MEI4: variants seen among roughly 807,000 people sequenced by gnomAD.
The protein encoded by MEI4 is meiosis-specific protein MEI4.
Under a neutral mutation model 31.4 loss-of-function variants are expected in MEI4, and 27 were observed. That is an observed-to-expected ratio of 0.86 (90% CI 0.63 to 1.19). The LOEUF is 1.19. Ranked by LOEUF, MEI4 falls within the 50% of genes most tolerant of loss-of-function variation. The probability of loss-of-function intolerance (pLI) is 0.00; values close to 1 mark genes in which losing one functional copy is unlikely to be tolerated. For missense variants in MEI4, 329 were observed against 398.9 expected (o/e 0.82, Z 1.49); for synonymous variants, 122 against 145.4 (o/e 0.84, Z 1.16).
intron 2 of MEI4, among the ~76,000 whole-genome samples, chr6:77,760,040 CTTTG>C (rs757399855): frequency 2.0e-5 from 3 of 152,130 alleles, no homozygotes; most frequent in South Asian, 4.1e-4. Flanking sequence ...ACAACCACAA[CTTTG>C]TTTGTGTTTA....
chr6:77,714,132 T>G (rs1353155360), intron 2 of MEI4, among the ~76,000 whole-genome samples: 1 of 152,150 alleles, frequency 6.6e-6, no homozygotes, highest in Non-Finnish European at 1.5e-5. Flanking sequence ...ATCTAGTTTA[T>G]AATTGAGGGG....
chr6:77,664,928 A>G (rs981873226), intron 1 of MEI4, among the ~76,000 whole-genome samples: 1 of 152,104 alleles, frequency 6.6e-6, no homozygotes, highest in African/African-American at 2.4e-5. Context: ...TTTAGGTTTT[A>G]GGTCAGGTGT....
intron 1 of MEI4, among the ~76,000 whole-genome samples, chr6:77,674,780 C>G (rs1175475549): frequency 2.6e-5 from 4 of 152,108 alleles, no homozygotes; most frequent in Admixed American, 2.6e-4. Flanking sequence ...GAACAAATTT[C>G]TCCTTTTTCT....
chr6:77,827,966 A>C (rs1401547165), intron 3 of MEI4, among the ~76,000 whole-genome samples: 1 of 152,016 alleles, frequency 6.6e-6, no homozygotes, highest in African/African-American at 2.4e-5. Context: ...GATTATATTA[A>C]CTCTAGAAAA....
rs553982821 is a variant in MEI4 at position 77,823,238 on chromosome 6, T to A, written c.769-5693T>A. Among the ~76,000 whole-genome samples, 3 of 152,252 alleles carry A rather than the reference T, an allele frequency of 2.0e-5. No homozygotes were observed. The East Asian group carries it at 5.8e-4, about 29-fold the overall frequency. On this transcript the variant is annotated intron_variant, in intron 3 of 4. Coordinates refer to ENST00000684080, the MANE Select transcript of MEI4 (RefSeq NM_001322247.2). ...ATGTATTTTTATAGTATATATATAT[T>A]TTCTATGTGAGTGAGAGCCTTTGAA...
chr6:77,923,305 A>ATTCT lies in MEI4; in HGVS notation c.1120_1123dup (p.Leu375SerfsTer11). ...TACTTTTTATTTATGGAGAGTGGGC[A>ATTCT]TTCTTTTGAGCTCAGCACAGATAGA... On this transcript the variant is annotated frameshift_variant, in exon 5 of 5. Coordinates refer to ENST00000684080, the MANE Select transcript of MEI4 (RefSeq NM_001322247.2). LOFTEE classifies it high-confidence loss of function. 8.1e-7 allele frequency: 1 copy of ATTCT among 1,230,148 alleles called. No homozygotes were observed. Among genetic ancestry groups the ATTCT allele is most frequent in the Non-Finnish European group, 1.0e-6 (1 of 986,592 alleles). 76.2% of individuals were successfully genotyped at this position (1,230,148 alleles called of 1,614,324 possible). A position where few individuals can be genotyped will look rare whatever the true frequency, so the allele number is the denominator to read the frequency against.
chr6:77,825,065 A>AT (rs1466708782), intron 3 of MEI4, among the ~76,000 whole-genome samples: 7 of 152,026 alleles, frequency 4.6e-5, no homozygotes, highest in Admixed American at 1.3e-4. Flanking sequence ...TGGCACTCAT[A>AT]TTTTTTCATT....
intron 1 of MEI4, among the ~76,000 whole-genome samples, chr6:77,663,118 T>C (rs1208336475): frequency 1.3e-5 from 2 of 152,256 alleles, no homozygotes; most frequent in African/African-American, 4.8e-5. Context: ...ATGGGGTGGA[T>C]AGGCAAAACA....
chr6:77,795,988 T>G (rs1769064552), intron 3 of MEI4, among the ~76,000 whole-genome samples: 1 of 152,160 alleles, frequency 6.6e-6, no homozygotes, highest in African/African-American at 2.4e-5. Context: ...TTGATACATA[T>G]ATGCAAAATG....
intron 1 of MEI4, among the ~76,000 whole-genome samples, chr6:77,675,136 G>A (rs955444847): frequency 1.3e-5 from 2 of 151,796 alleles, no homozygotes. Flanking sequence ...GTGTCTTTTT[G>A]TATATATGTC....
chr6:77,761,063 A>G (rs1352755013), intron 2 of MEI4, 67 bp from the exon 3 acceptor site: 15 of 1,036,262 alleles, frequency 1.4e-5, no homozygotes, highest in African/African-American at 5.0e-5. Context: ...ATAAGTATCA[A>G]TGGCTAGTTT....
Position 77,850,153 on chromosome 6 carries a change from T to C in MEI4, c.900+21091T>C, listed in dbSNP as rs191503061. On this transcript the variant is annotated intron_variant, in intron 4 of 4. Transcript: ENST00000684080. Reference sequence around the variant, plus strand: ...ATTGAGCAGTGGTTTGTAGTTCTCCTTGAAGAGGTCCTTCACATCCCTTGT... The same window carrying C: ...ATTGAGCAGTGGTTTGTAGTTCTCCCTGAAGAGGTCCTTCACATCCCTTGT... Among the ~76,000 whole-genome samples the C allele has an allele frequency of 5.3e-5, 8 of 152,316 alleles. No individual in the cohort carries two copies. In the East Asian group the frequency reaches 1.4e-3, roughly 26 times the overall value.
intron 2 of MEI4, among the ~76,000 whole-genome samples, chr6:77,748,024 C>A (rs756956687): frequency 3.9e-5 from 6 of 152,344 alleles, no homozygotes; most frequent in Admixed American, 6.5e-5. Flanking sequence ...TGTCTCGCAT[C>A]TGCTGATGCA....
chr6:77,738,420 CTCTTT>C (rs1344955591), intron 2 of MEI4, among the ~76,000 whole-genome samples: 1 of 152,110 alleles, frequency 6.6e-6, no homozygotes. Context: ...TGGCTCTTCT[CTCTTT>C]TCTTTCTTTA....
chr6:77,792,806 G>A (rs912325615), intron 3 of MEI4, among the ~76,000 whole-genome samples: 1 of 151,760 alleles, frequency 6.6e-6, no homozygotes, highest in Non-Finnish European at 1.5e-5. Context: ...TCCAACTCCT[G>A]GGTTCACACC....
chr6:77,833,159 G>T (rs1770125875), intron 4 of MEI4, among the ~76,000 whole-genome samples: 1 of 151,186 alleles, frequency 6.6e-6, no homozygotes, highest in South Asian at 2.1e-4. Flanking sequence ...TTTAGTAGCA[G>T]CATTTTCTTA....
chr6:77,817,837 G>A (rs1184328482), intron 3 of MEI4, among the ~76,000 whole-genome samples: 3 of 152,062 alleles, frequency 2.0e-5, no homozygotes, highest in East Asian at 1.9e-4. Flanking sequence ...AACATGAGGC[G>A]AGAGATTTCA....
chr6:77,666,066 C>T (rs1202302503), intron 1 of MEI4, among the ~76,000 whole-genome samples: 3 of 152,138 alleles, frequency 2.0e-5, no homozygotes, highest in Non-Finnish European at 2.9e-5. Flanking sequence ...GTTTATTTCA[C>T]CTGGGTGCAG....
chr6:77,822,794 T>C (rs932113576), intron 3 of MEI4, among the ~76,000 whole-genome samples: 1 of 151,872 alleles, frequency 6.6e-6, no homozygotes, highest in Non-Finnish European at 1.5e-5. Flanking sequence ...TATTTTTTTT[T>C]TGTATTTTTA....
Sources: gnomAD v4.1 joint callset for allele counts (sites outside exome capture counted in the v4.1 genomes callset) on GRCh38, gnomAD v4.1.1 for gene constraint, MANE v1.5 for transcripts, NCBI Gene and HGNC (gene_info 2026-07-23, HGNC 2026-07-21) for gene names.